ATOSB: variants seen among roughly 807,000 people sequenced by gnomAD.
ATOSB encodes the protein atos homolog protein B.
At chr9:35,106,505 A>AC in the ATOSB span, 1 of 1,595,428 alleles carries the variant, frequency 6.3e-7, no homozygotes, top group African/African-American at 1.3e-5. This position sits in a 1 kb window ranked among gnomAD's most constrained non-coding sequence, Gnocchi z 4.6. Flanking sequence ...CTCTCCCAGG[A>AC]CCCCGGCAAT....
the ATOSB span, chr9:35,105,290 T>C: frequency 2.5e-6 from 4 of 1,614,148 alleles, no homozygotes; most frequent in East Asian, 8.9e-5. The surrounding 1 kb of genome is among the most constrained non-coding windows in gnomAD (Gnocchi z 5.5). Context: ...AGGGGAGCCC[T>C]GTGTCCAGCT....
At chr9:35,108,464 G>A in the ATOSB span, 2 of 1,350,304 alleles carry the variant, frequency 1.5e-6, no homozygotes, top group Non-Finnish European at 1.9e-6. Flanking sequence ...GGTTCCCAAG[G>A]ATGAATGTGT....
At chr9:35,107,543 C>A in the ATOSB span, 1 of 1,598,676 alleles carries the variant, frequency 6.3e-7, no homozygotes, top group South Asian at 1.1e-5. Flanking sequence ...CAGCAGGAAG[C>A]AGCCTTCGCT....
At chr9:35,105,472 G>C in the ATOSB span, 1 of 1,431,102 alleles carries the variant, frequency 7.0e-7, no homozygotes, top group African/African-American at 1.4e-5. This position sits in a 1 kb window ranked among gnomAD's most constrained non-coding sequence, Gnocchi z 5.5. Flanking sequence ...TGGGAGGACT[G>C]CTTGAGCCCA....
At chr9:35,115,208 C>T in the ATOSB span, among the ~76,000 whole-genome samples, 1 of 152,068 alleles carries the variant, frequency 6.6e-6, no homozygotes, top group Non-Finnish European at 1.5e-5. Context: ...AGGAGACATT[C>T]ACACAAGCCC....
the ATOSB span, chr9:35,104,342 T>C: frequency 1.9e-5 from 3 of 154,392 alleles, no homozygotes; most frequent in Non-Finnish European, 4.4e-5. Context: ...GTTTGAGGGG[T>C]GCCCCTCACC....
chr9:35,112,842 C>T, the ATOSB span, among the ~76,000 whole-genome samples: 1 of 152,040 alleles, frequency 6.6e-6, no homozygotes, highest in Non-Finnish European at 1.5e-5. Context: ...GTGGACCCCC[C>T]AGGGCCCTGA....
chr9:35,111,369 C>G, the ATOSB span: 1 of 161,112 alleles, frequency 6.2e-6, no homozygotes, highest in Non-Finnish European at 1.4e-5. Flanking sequence ...CTCCCTGCCA[C>G]GGGCCCCCAA....
chr9:35,107,646 C>G, the ATOSB span: 5 of 1,605,660 alleles, frequency 3.1e-6, 1 homozygote, highest in East Asian at 1.1e-4. Flanking sequence ...AGGCCAGAGG[C>G]TACCCCCATT....
the ATOSB span, chr9:35,107,470 G>C: frequency 1.2e-6 from 2 of 1,611,148 alleles, no homozygotes; most frequent in Non-Finnish European, 1.7e-6. Flanking sequence ...GGGTGGCCCA[G>C]GGATCCCCGG....
the ATOSB span, chr9:35,108,070 G>T: frequency 5.2e-6 from 8 of 1,534,938 alleles, no homozygotes; most frequent in Non-Finnish European, 7.0e-6. Flanking sequence ...GATGGGGCTT[G>T]TCGTTTCAGG....
At chr9:35,105,035 C>A in the ATOSB span, 7 of 580,166 alleles carry the variant, frequency 1.2e-5, no homozygotes, top group Admixed American at 1.1e-4. The surrounding 1 kb of genome is among the most constrained non-coding windows in gnomAD (Gnocchi z 5.5). Flanking sequence ...ACATGGAGTA[C>A]CCGAAGTAGG....
chr9:35,105,660 C>T, the ATOSB span: 1 of 1,608,810 alleles, frequency 6.2e-7, no homozygotes, highest in South Asian at 1.1e-5. The surrounding 1 kb of genome is among the most constrained non-coding windows in gnomAD (Gnocchi z 5.5). Flanking sequence ...CCTCCCCAGC[C>T]ATCCCTGGGC....
At chr9:35,106,467 C>G in the ATOSB span, 1 of 1,609,742 alleles carries the variant, frequency 6.2e-7, no homozygotes, top group South Asian at 1.1e-5. This position sits in a 1 kb window ranked among gnomAD's most constrained non-coding sequence, Gnocchi z 4.6. Flanking sequence ...TTTTCCTTAT[C>G]CATCCAAGCC....
chr9:35,107,369 T>C, the ATOSB span: 1 of 1,608,818 alleles, frequency 6.2e-7, no homozygotes, highest in South Asian at 1.1e-5. Flanking sequence ...ATGAGGTCCT[T>C]TATTGGCTTA....
the ATOSB span, chr9:35,105,741 C>G: frequency 5.0e-6 from 8 of 1,613,894 alleles, no homozygotes; most frequent in Non-Finnish European, 6.8e-6. The surrounding 1 kb of genome is among the most constrained non-coding windows in gnomAD (Gnocchi z 5.5). Flanking sequence ...CCTCCTCACC[C>G]ACAGGCACCA....
the ATOSB span, chr9:35,104,975 TC>T: frequency 2.7e-6 from 1 of 372,470 alleles, no homozygotes; most frequent in Non-Finnish European, 4.8e-6. Flanking sequence ...TAGCTCCAGT[TC>T]CTCCCTACTA....
At chr9:35,108,590 T>G in the ATOSB span, 1 of 1,130,386 alleles carries the variant, frequency 8.8e-7, no homozygotes. Flanking sequence ...TCCCTGGTAC[T>G]TACCCCGATG....
the ATOSB span, chr9:35,107,721 G>A: frequency 5.4e-5 from 86 of 1,599,050 alleles, 1 homozygote; most frequent in Admixed American, 1.5e-3. Flanking sequence ...AGTGTCAAGT[G>A]TGTGCAGCTG....
Sources: gnomAD v4.1 joint callset for allele counts (sites outside exome capture counted in the v4.1 genomes callset) on GRCh38, gnomAD v4.1.1 for gene constraint, Gnocchi (gnomAD v3.1) non-coding constraint, MANE v1.5 for transcripts, NCBI Gene and HGNC (gene_info 2026-07-23, HGNC 2026-07-21) for gene names.